SEC14L3: variants seen among roughly 807,000 people sequenced by gnomAD.
SEC14L3 encodes SEC14 like lipid binding 3, also known as SEC14-like protein 3.
A neutral mutation model predicts 57.4 loss-of-function variants in SEC14L3; 56 were observed. The ratio of observed to expected loss-of-function variants is 0.97; its 90% CI spans 0.79 to 1.22. The LOEUF (loss-of-function observed/expected upper bound fraction) is 1.22. Among genes scored for constraint, SEC14L3 ranks in the 50% most tolerant of loss-of-function variants. The probability of loss-of-function intolerance (pLI) is 0.00; values close to 1 mark genes in which losing one functional copy is unlikely to be tolerated. For synonymous variants in SEC14L3, 173 were observed against 194.4 expected, an observed-to-expected ratio of 0.89 and a Z score of 0.92; for missense variants, 485 against 511.7, an observed-to-expected ratio of 0.95 and a Z score of 0.50.
At chr22:30,447,951 T>TG (rs1934910107), downstream of SEC14L3, 1 of 150,760 alleles carries the variant, frequency 6.6e-6, no homozygotes, top group Non-Finnish European at 1.5e-5. Flanking sequence ...AATGTTTTTT[T>TG]TTTTTTTCAT....
At chr22:30,455,145 T>TATATATCATATTTAATATTTA (rs1935093920), downstream of SEC14L3, among the ~76,000 whole-genome samples, 2 of 50,504 alleles carry the variant, frequency 4.0e-5, no homozygotes, top group African/African-American at 1.0e-4. Flanking sequence ...TAATATTTAA[T>TATATATCATATTTAATATTTA]ATATATTATA....
chr22:30,459,048 A>AC (rs1935171196), downstream of SEC14L3, among the ~76,000 whole-genome samples: 1 of 151,054 alleles, frequency 6.6e-6, no homozygotes, highest in African/African-American at 2.4e-5. Flanking sequence ...ACAAACGAAC[A>AC]CCCCCTGCCC....
intron 5 of SEC14L3, among the ~76,000 whole-genome samples, chr22:30,467,337 A>G (rs1416814861): frequency 6.6e-6 from 1 of 152,086 alleles, no homozygotes; most frequent in Non-Finnish European, 1.5e-5. Flanking sequence ...TCATCAATTA[A>G]TTGAACCATC....
intron 8 of SEC14L3, among the ~76,000 whole-genome samples, chr22:30,464,594 C>A (rs924985446): frequency 6.6e-6 from 1 of 152,156 alleles, no homozygotes; most frequent in Non-Finnish European, 1.5e-5. Context: ...CCACAACCAG[C>A]TAATTTTTAA....
chr22:30,451,148 CA>C (rs1306592447), intron 12 of SEC14L3, among the ~76,000 whole-genome samples: 1 of 152,214 alleles, frequency 6.6e-6, no homozygotes, highest in Non-Finnish European at 1.5e-5. Context: ...CAGGCCAGGT[CA>C]GGGGGGCTGC....
At chr22:30,471,867 C>T (rs1186990263) in intron 1 of SEC14L3, 38 bp downstream of exon 1, 1 of 1,613,318 alleles carries the variant, frequency 6.2e-7, no homozygotes, top group Admixed American at 1.7e-5. Flanking sequence ...AGCCCCTTTC[C>T]CCTGGTCTTC....
chr22:30,468,385 C>A, intron 5 of SEC14L3, 123 bp downstream of exon 5: 1 of 654,458 alleles, frequency 1.5e-6, no homozygotes, highest in South Asian at 2.0e-5. Context: ...AGCAACAGAG[C>A]TGGTGTTTGA....
rs1399917141 is a variant in SEC14L3, at chr22:30,460,106, T to C, written c.1118A>G (p.His373Arg). 1.1e-5 allele frequency: 17 copies of C among 1,614,052 alleles called. No homozygotes were observed. Among genetic ancestry groups the C allele is most frequent in the African/African-American group, 2.7e-5 (2 of 74,914 alleles). Residue 373 changes from histidine to arginine, a missense_variant, in exon 12 of 12, where the codon CAC (histidine) becomes CGC (arginine). Physicochemically the swap from His to Arg is conservative, Grantham distance 29. Coordinates refer to ENST00000215812, the MANE Select transcript of SEC14L3 (RefSeq NM_174975.5). ...CACTGTGAAGCTGACCTTCTTGGCGTGGACAAAGCTATAGGTGTTGTCGAA... is the reference window on the plus strand; with the variant it reads ...CACTGTGAAGCTGACCTTCTTGGCGCGGACAAAGCTATAGGTGTTGTCGAA... ...LRFDNTYSFV[H>R]AKKVSFTVEV...
intron 4 of SEC14L3, chr22:30,468,943 T>A: frequency 6.9e-7 from 1 of 1,454,072 alleles, no homozygotes; most frequent in East Asian, 2.5e-5. Flanking sequence ...GCCCCTGATG[T>A]CTCCCGTGTC....
chr22:30,462,533 C>T (rs752239218), intron 8 of SEC14L3, among the ~76,000 whole-genome samples: 4 of 151,992 alleles, frequency 2.6e-5, no homozygotes, highest in East Asian at 1.9e-4. Context: ...CAGCCTCCTG[C>T]GTAGCTGGGA....
downstream of SEC14L3, among the ~76,000 whole-genome samples, chr22:30,457,799 G>A (rs944800367): frequency 2.0e-5 from 3 of 151,634 alleles, no homozygotes; most frequent in African/African-American, 7.3e-5. Flanking sequence ...CAGGAAGAAG[G>A]CAGTCTTGTC....
intron 9 of SEC14L3, 119 bp from the exon 10 acceptor site, chr22:30,461,813 C>T (rs555978071): frequency 7.2e-7 from 1 of 1,390,922 alleles, no homozygotes; most frequent in East Asian, 2.5e-5. Context: ...CCCCACTCTC[C>T]CACCTCCTCA....
intron 1 of SEC14L3, among the ~76,000 whole-genome samples, chr22:30,470,960 C>T (rs555214855): frequency 1.1e-3 from 173 of 151,916 alleles, no homozygotes; most frequent in Non-Finnish European, 1.9e-3. Flanking sequence ...TAGGTGGCTG[C>T]GTGGGTAGGA....
At chr22:30,449,565 T>G (rs1934941624) in intron 12 of SEC14L3, among the ~76,000 whole-genome samples, 1 of 128,714 alleles carries the variant, frequency 7.8e-6, no homozygotes. Context: ...TTTCTTTTCT[T>G]TTCTTTTTTT....
chr22:30,454,988 T>C (rs1215767992), downstream of SEC14L3, among the ~76,000 whole-genome samples: 3 of 69,728 alleles, frequency 4.3e-5, no homozygotes, highest in Non-Finnish European at 7.2e-5. Context: ...TATTATATAT[T>C]ATATATTATA....
intron 2 of SEC14L3, 33 bp from the exon 3 acceptor site, chr22:30,470,288 G>A: frequency 6.2e-7 from 1 of 1,608,992 alleles, no homozygotes; most frequent in East Asian, 2.2e-5. Context: ...TGTGAGACAG[G>A]AAAGATGCCT....
At chr22:30,461,196 G>T in intron 11 of SEC14L3, 114 bp downstream of exon 11, 3 of 1,284,754 alleles carry the variant, frequency 2.3e-6, no homozygotes, top group Non-Finnish European at 3.2e-6. Flanking sequence ...GCTAACCTAG[G>T]CTGTGTGTCC....
At chr22:30,470,640 C>A in intron 1 of SEC14L3, 58 bp from the exon 2 acceptor site, 1 of 1,610,884 alleles carries the variant, frequency 6.2e-7, no homozygotes, top group Non-Finnish European at 8.5e-7. Flanking sequence ...GGCCTCCAGA[C>A]TCAAAGACTG....
At chr22:30,454,536 A>ATAATATTATTATATATAATCT (rs1397628881), downstream of SEC14L3, among the ~76,000 whole-genome samples, 1 of 73,718 alleles carries the variant, frequency 1.4e-5, no homozygotes, top group African/African-American at 4.6e-5. Flanking sequence ...TATAATCTAT[A>ATAATATTATTATATATAATCT]ATAATATTAT....
Sources: allele counts gnomAD v4.1 joint callset (sites outside exome capture counted in the v4.1 genomes callset), GRCh38; gene constraint gnomAD v4.1.1; transcripts MANE v1.5; gene names NCBI Gene and HGNC (gene_info 2026-07-23, HGNC 2026-07-21).